The following GRM3 variants were observed in gnomAD, a reference collection of about 807,000 sequenced individuals.
GRM3 encodes metabotropic glutamate receptor 3.
In GRM3, 26 loss-of-function variants were observed where a neutral mutation model predicts 70.5. The observed-to-expected ratio is 0.37, with a 90% confidence interval of 0.27 to 0.51. GRM3 has a LOEUF of 0.51. GRM3 is among the 20% of genes least tolerant of loss of function. The pLI is 0.93. For synonymous variants in GRM3, 443 were observed against 434.9 expected (o/e 1.02, Z -0.23); for missense variants, 859 against 1,123.8 (o/e 0.76, Z 3.37).
chr7:86,731,783 TG>T (rs1373586053), intron 1 of GRM3, among the ~76,000 whole-genome samples: 4 of 152,206 alleles, frequency 2.6e-5, no homozygotes, highest in Admixed American at 2.6e-4. Context: ...AGGAACATAA[TG>T]GTATTCAAGT....
intron 1 of GRM3, among the ~76,000 whole-genome samples, chr7:86,693,857 C>T (rs1348161738): frequency 3.3e-5 from 5 of 152,188 alleles, no homozygotes; most frequent in Admixed American, 6.5e-5. Flanking sequence ...CCTTTGACCA[C>T]GGAAGAGCTT....
At chr7:86,820,331 C>A (rs995605142) in intron 3 of GRM3, among the ~76,000 whole-genome samples, 2 of 152,228 alleles carry the variant, frequency 1.3e-5, no homozygotes, top group African/African-American at 4.8e-5. Flanking sequence ...TCTTTGACTT[C>A]CATCAGGATC....
chr7:86,859,892 A>T (rs1317582803), intron 5 of GRM3, among the ~76,000 whole-genome samples: 1 of 152,208 alleles, frequency 6.6e-6, no homozygotes, highest in African/African-American at 2.4e-5. Flanking sequence ...CCACTTGGTT[A>T]CACTGATCTT....
In GRM3 at chr7:86,772,357, G is replaced by A. The variant is rs575857399; in HGVS notation, c.468+6744G>A. Among the ~76,000 whole-genome samples, 256 of 152,158 alleles carry A rather than the reference G, an allele frequency of 1.7e-3. No individual in the cohort carries two copies. The Middle Eastern group carries it at 0.017, about 10-fold the overall frequency. ...GATCAGTCTGGATGCTCATAAATGA[G>A]AAATAAGCATTTCTCTGCAATGGAA... is the stretch of plus-strand genomic sequence containing the variant. On this transcript the variant is annotated intron_variant, in intron 2 of 5. Coordinates refer to ENST00000361669, the MANE Select transcript of GRM3 (RefSeq NM_000840.3).
intron 3 of GRM3, among the ~76,000 whole-genome samples, chr7:86,824,759 TATATG>T (rs1337246750): frequency 6.6e-6 from 1 of 152,158 alleles, no homozygotes; most frequent in Non-Finnish European, 1.5e-5. Context: ...TCAGTAAAAA[TATATG>T]AGAAATGTGG....
chr7:86,801,291 G>A (rs781440486), intron 3 of GRM3, among the ~76,000 whole-genome samples: 47 of 151,960 alleles, frequency 3.1e-4, no homozygotes, highest in Non-Finnish European at 4.0e-4. Context: ...GGCTGATCTT[G>A]AACTCCTGAC....
At chr7:86,714,264 A>G (rs1423771588) in intron 1 of GRM3, among the ~76,000 whole-genome samples, 1 of 151,962 alleles carries the variant, frequency 6.6e-6, no homozygotes, top group Non-Finnish European at 1.5e-5. Flanking sequence ...GACTGACCCA[A>G]TTTCATGTGA....
intron 1 of GRM3, among the ~76,000 whole-genome samples, chr7:86,708,202 C>A (rs1795103717): frequency 1.3e-5 from 2 of 152,068 alleles, no homozygotes; most frequent in African/African-American, 4.8e-5. Context: ...GGCCATATGC[C>A]AAGCACCATA....
At chr7:86,832,911 T>C (rs1798382987) in intron 3 of GRM3, 1 of 508,482 alleles carries the variant, frequency 2.0e-6, no homozygotes, top group Non-Finnish European at 2.5e-6. Context: ...AAGACCTGAT[T>C]TTGAAGCACC....
chr7:86,819,824 C>T (rs1178933453), intron 3 of GRM3, among the ~76,000 whole-genome samples: 3 of 152,092 alleles, frequency 2.0e-5, no homozygotes, highest in African/African-American at 7.2e-5. Context: ...AATTCTCTTT[C>T]CATTTTACAG....
intron 1 of GRM3, among the ~76,000 whole-genome samples, chr7:86,646,715 C>A (rs1479645926): frequency 6.6e-6 from 1 of 152,054 alleles, no homozygotes; most frequent in Non-Finnish European, 1.5e-5. Flanking sequence ...GAATAGGCCA[C>A]ACTTTGGAGC....
intron 1 of GRM3, among the ~76,000 whole-genome samples, chr7:86,655,283 C>T (rs974433343): frequency 6.6e-6 from 1 of 152,156 alleles, no homozygotes; most frequent in Admixed American, 6.5e-5. Flanking sequence ...AATCTAAGTT[C>T]ATACTAATGA....
At chr7:86,783,835 G>A (rs1367831195) in intron 2 of GRM3, among the ~76,000 whole-genome samples, 1 of 152,130 alleles carries the variant, frequency 6.6e-6, no homozygotes, top group African/African-American at 2.4e-5. Flanking sequence ...TCGTAAGTTT[G>A]ACTATATTAT....
At chr7:86,657,194 A>T (rs1405882854) in intron 1 of GRM3, among the ~76,000 whole-genome samples, 1 of 152,234 alleles carries the variant, frequency 6.6e-6, no homozygotes, top group African/African-American at 2.4e-5. Context: ...AGCATCTGCT[A>T]CTTTCAAGGC....
intron 1 of GRM3, among the ~76,000 whole-genome samples, chr7:86,659,217 G>A (rs1394777652): frequency 6.6e-6 from 1 of 152,072 alleles, no homozygotes; most frequent in African/African-American, 2.4e-5. Flanking sequence ...TGCAGTTTGT[G>A]GCAATATTTC....
intron 1 of GRM3, among the ~76,000 whole-genome samples, chr7:86,714,557 T>C (rs78517156): frequency 6.6e-6 from 1 of 151,984 alleles, no homozygotes; most frequent in Non-Finnish European, 1.5e-5. Flanking sequence ...AAGTCCAGAA[T>C]ATAATACATC....
chr7:86,694,393 T>C (rs1239446656), intron 1 of GRM3, among the ~76,000 whole-genome samples: 1 of 150,942 alleles, frequency 6.6e-6, no homozygotes, highest in African/African-American at 2.4e-5. Context: ...GTGCCTGTAG[T>C]CCCAGCTACT....
chr7:86,859,104 T>C (rs1390571605), intron 5 of GRM3, among the ~76,000 whole-genome samples: 1 of 152,112 alleles, frequency 6.6e-6, no homozygotes, highest in Non-Finnish European at 1.5e-5. Context: ...ACCTCAGCAC[T>C]TGAGGCACAT....
Position 86,644,372 on chromosome 7 carries a change from G to T in GRM3, c.-641G>T, listed in dbSNP as rs1793401075. 2 of 298,772 alleles carry T rather than the reference G, an allele frequency of 6.7e-6. No individual in the cohort carries two copies. The highest frequency in any genetic ancestry group is 4.9e-5 in the Admixed American group (1 of 20,300). 18.5% of individuals were successfully genotyped at this position (298,772 alleles called of 1,614,324 possible). ...AAGGAGAGGATGCCAGGAGGTCCGT[G>T]CTTCTGCCAAGAGTCCCAATTAGAT... On this transcript the variant is annotated 5_prime_UTR_variant, in exon 1 of 6. Transcript: ENST00000361669.
Sources: gnomAD v4.1 joint callset for allele counts (sites outside exome capture counted in the v4.1 genomes callset) on GRCh38, gnomAD v4.1.1 for gene constraint, MANE v1.5 for transcripts, NCBI Gene and HGNC (gene_info 2026-07-23, HGNC 2026-07-21) for gene names.